Variants in CACNA1E observed in about 807,000 individuals in gnomAD.
The protein encoded by CACNA1E is calcium voltage-gated channel subunit alpha1 E.
Under a neutral mutation model 259.2 loss-of-function variants are expected in CACNA1E, and 40 were observed. That is an observed-to-expected ratio of 0.15 (90% CI 0.12 to 0.20). The LOEUF (loss-of-function observed/expected upper bound fraction) is 0.20. Ranked by LOEUF, CACNA1E falls within the 10% of genes least tolerant of loss-of-function variation. CACNA1E has a pLI of 1.00. For missense variants in CACNA1E, 1,874 were observed against 3,040.1 expected, an observed-to-expected ratio of 0.62 and a Z score of 9.02; for synonymous variants, 1,104 against 1,138.5, an observed-to-expected ratio of 0.97 and a Z score of 0.61.
At chr1:181,533,120 C>T (rs1667904890) in intron 3 of CACNA1E, among the ~76,000 whole-genome samples, 1 of 151,898 alleles carries the variant, frequency 6.6e-6, no homozygotes, top group African/African-American at 2.4e-5. Context: ...TCAGATCCCA[C>T]ATTTTTAAAT....
At chr1:181,337,189 T>C (rs1651779665) in intron 1 of CACNA1E, among the ~76,000 whole-genome samples, 1 of 150,708 alleles carries the variant, frequency 6.6e-6, no homozygotes, top group African/African-American at 2.4e-5. Context: ...GGAGTCTCAC[T>C]CTGTCGCCCA....
intron 1 of CACNA1E, among the ~76,000 whole-genome samples, chr1:181,362,710 T>C (rs1181062829): frequency 6.6e-6 from 1 of 152,180 alleles, no homozygotes; most frequent in East Asian, 1.9e-4. Context: ...GGGGACCTCA[T>C]GTCAGTAGGA....
chr1:181,673,316 T>C (rs1649006360), intron 7 of CACNA1E, among the ~76,000 whole-genome samples: 1 of 152,150 alleles, frequency 6.6e-6, no homozygotes, highest in Non-Finnish European at 1.5e-5. Flanking sequence ...TTTGTGGACT[T>C]AACAGTGCCT....
At chr1:181,552,884 G>T (rs570252229) in intron 3 of CACNA1E, among the ~76,000 whole-genome samples, 14 of 152,128 alleles carry the variant, frequency 9.2e-5, no homozygotes, top group African/African-American at 3.4e-4. Context: ...CAGTACCATG[G>T]TGTTTCGGTT....
At chr1:181,502,785 A>G (rs527526650) in intron 1 of CACNA1E, among the ~76,000 whole-genome samples, 4 of 152,116 alleles carry the variant, frequency 2.6e-5, no homozygotes, top group South Asian at 2.1e-4. Flanking sequence ...CACAACCTCC[A>G]TCTCCTGGGT....
chr1:181,456,051 G>A (rs956644748), intron 2 of CACNA1E, among the ~76,000 whole-genome samples: 1 of 152,180 alleles, frequency 6.6e-6, no homozygotes, highest in Non-Finnish European at 1.5e-5. Context: ...CAGGGATGTT[G>A]AGCCCAGGAA....
chr1:181,396,597 G>A (rs1656696316), intron 1 of CACNA1E, among the ~76,000 whole-genome samples: 1 of 152,220 alleles, frequency 6.6e-6, no homozygotes, highest in South Asian at 2.1e-4. Context: ...GTTTTTCTAA[G>A]ATGAGAGAAA....
chr1:181,428,145 C>T (rs868011827), intron 2 of CACNA1E, among the ~76,000 whole-genome samples: 5 of 152,184 alleles, frequency 3.3e-5, no homozygotes, highest in Non-Finnish European at 5.9e-5. Flanking sequence ...CCACGCTATG[C>T]CCTCACTCTC....
intron 1 of CACNA1E, among the ~76,000 whole-genome samples, chr1:181,351,341 C>T (rs979632141): frequency 5.3e-5 from 8 of 152,248 alleles, no homozygotes; most frequent in South Asian, 2.1e-4. Context: ...GAGTGTATCA[C>T]GGAATATGGT....
rs72731273 is a variant in CACNA1E at position 181,543,195 on chromosome 1, C to A, written c.512+31685C>A. The stretch of plus-strand genomic sequence containing the variant: ...CTCCCTGTGTTTCTAATTCAGATAA[C>A]CTGGGGTAGGGCTTGAAAATTTGCA... On this transcript the variant is annotated intron_variant, in intron 3 of 47. Coordinates refer to ENST00000367573, the MANE Select transcript of CACNA1E (RefSeq NM_001205293.3). Among the ~76,000 whole-genome samples, 488 of 152,114 alleles carry A rather than the reference C, an allele frequency of 3.2e-3. 4 individuals carry two copies. The highest frequency in any genetic ancestry group is 3.1e-3 in the Non-Finnish European group (209 of 67,994).
chr1:181,566,235 A>T (rs1463806354), intron 3 of CACNA1E, among the ~76,000 whole-genome samples: 1 of 152,216 alleles, frequency 6.6e-6, no homozygotes, highest in African/African-American at 2.4e-5. Flanking sequence ...TCTGGGTTTG[A>T]GTCTCAGCTT....
intron 2 of CACNA1E, among the ~76,000 whole-genome samples, chr1:181,467,998 G>A (rs754093188): frequency 2.6e-5 from 4 of 152,134 alleles, no homozygotes; most frequent in African/African-American, 9.7e-5. Flanking sequence ...ACTCAGAAAT[G>A]CCAATAATGC....
chr1:181,626,011 G>A (rs1465257127), intron 6 of CACNA1E, among the ~76,000 whole-genome samples: 1 of 152,126 alleles, frequency 6.6e-6, no homozygotes, highest in East Asian at 1.9e-4. Flanking sequence ...GGACAGAAAT[G>A]GGGGAATGAA....
intron 6 of CACNA1E, among the ~76,000 whole-genome samples, chr1:181,628,896 G>T (rs1238522760): frequency 6.6e-6 from 1 of 152,072 alleles, no homozygotes; most frequent in Non-Finnish European, 1.5e-5. Flanking sequence ...CTTCTTTCTT[G>T]ATTTTCTTGC....
At chr1:181,649,005 TCA>T (rs1658527011) in intron 6 of CACNA1E, among the ~76,000 whole-genome samples, 1 of 152,178 alleles carries the variant, frequency 6.6e-6, no homozygotes, top group Admixed American at 6.5e-5. Context: ...TGATTTGTAA[TCA>T]CAAATAAACA....
intron 1 of CACNA1E, among the ~76,000 whole-genome samples, chr1:181,327,028 A>T (rs2609487): frequency 6.6e-6 from 1 of 151,990 alleles, no homozygotes; most frequent in Admixed American, 6.6e-5. Flanking sequence ...TTGGCATCCC[A>T]TGCTTACCTC....
At chr1:181,455,392 G>A (rs1661395906) in intron 2 of CACNA1E, among the ~76,000 whole-genome samples, 1 of 152,146 alleles carries the variant, frequency 6.6e-6, no homozygotes, top group African/African-American at 2.4e-5. Flanking sequence ...GAGAGGTTTG[G>A]GGAGGCTTCC....
chr1:181,758,189 C>A lies in CACNA1E; in HGVS notation c.4494+78C>A. 8.0e-7 allele frequency: 1 copy of A among 1,243,356 alleles called. No homozygotes were observed. The highest frequency in any genetic ancestry group is 1.2e-6 in the Non-Finnish European group (1 of 865,434). The allele number at this position is 1,243,356 out of a possible 1,614,324, so 77.0% of individuals were successfully genotyped here. Reference sequence around the variant, plus strand: ...CAGGGCAAGTGGGAAGACACCCCAACATCCCAGCCCATCACTGCTTTACCT... The same window carrying A: ...CAGGGCAAGTGGGAAGACACCCCAAAATCCCAGCCCATCACTGCTTTACCT... On this transcript the variant is annotated intron_variant, in intron 31 of 47. Transcript: ENST00000367573. This position sits in a 1 kb window ranked among gnomAD's most constrained non-coding sequence, Gnocchi z 4.2.
At chr1:181,474,932 A>G (rs1371605381) in intron 2 of CACNA1E, among the ~76,000 whole-genome samples, 1 of 152,206 alleles carries the variant, frequency 6.6e-6, no homozygotes, top group African/African-American at 2.4e-5. Flanking sequence ...TTAATTTCCT[A>G]CAAGGGAAGT....
Sources: gnomAD v4.1 joint callset for allele counts (sites outside exome capture counted in the v4.1 genomes callset) on GRCh38, gnomAD v4.1.1 for gene constraint, Gnocchi (gnomAD v3.1) non-coding constraint, MANE v1.5 for transcripts, NCBI Gene and HGNC (gene_info 2026-07-23, HGNC 2026-07-21) for gene names.